BCAR3: variants seen among roughly 807,000 people sequenced by gnomAD.
The protein encoded by BCAR3 is BCAR3 adaptor protein, NSP family member, also known as breast cancer anti-estrogen resistance protein 3.
BCAR3 carries 37 observed loss-of-function variants against 80.1 expected under a neutral mutation model. That is an observed-to-expected ratio of 0.46 (90% CI 0.36 to 0.61). The LOEUF is 0.61. Among genes scored for constraint, BCAR3 ranks in the 20% least tolerant of loss-of-function variants. The probability of loss-of-function intolerance (pLI) is 0.00; values close to 1 mark genes in which losing one functional copy is unlikely to be tolerated. For missense variants in BCAR3, 978 were observed against 1,068.2 expected, an observed-to-expected ratio of 0.92 and a Z score of 1.18; for synonymous variants, 389 against 418.9, an observed-to-expected ratio of 0.93 and a Z score of 0.87.
At chr1:93,820,422 G>T (rs12139541) in intron 2 of BCAR3, among the ~76,000 whole-genome samples, 21,732 of 152,162 alleles carry the variant, frequency 0.14, 2,536 homozygotes, top group African/African-American at 0.31. Flanking sequence ...ATTCCTGACT[G>T]ACCAGCTATA....
chr1:93,682,296 T>C (rs1462112210), upstream of BCAR3, among the ~76,000 whole-genome samples: 2 of 152,102 alleles, frequency 1.3e-5, no homozygotes, highest in Non-Finnish European at 2.9e-5. Context: ...CAGCACTAGA[T>C]GATTTGGTGG....
intron 2 of BCAR3, among the ~76,000 whole-genome samples, chr1:93,740,305 C>T (rs1300523742): frequency 1.3e-5 from 2 of 152,202 alleles, no homozygotes; most frequent in Admixed American, 6.5e-5. Context: ...GCGTTAACAG[C>T]ACAAAGTCAA....
At chr1:93,837,743 T>C (rs777174145) in intron 2 of BCAR3, among the ~76,000 whole-genome samples, 21 of 152,078 alleles carry the variant, frequency 1.4e-4, no homozygotes, top group Non-Finnish European at 2.8e-4. Flanking sequence ...GGCTTGCAAC[T>C]TGGAGCCACA....
intron 2 of BCAR3, among the ~76,000 whole-genome samples, chr1:93,764,192 C>G (rs951594935): frequency 6.6e-6 from 1 of 152,040 alleles, no homozygotes; most frequent in Non-Finnish European, 1.5e-5. Flanking sequence ...CCAGAACACC[C>G]CACGCTGCTG....
chr1:93,628,929 G>A (rs1269678698), intron 3 of BCAR3, among the ~76,000 whole-genome samples: 1 of 152,120 alleles, frequency 6.6e-6, no homozygotes, highest in Non-Finnish European at 1.5e-5. Context: ...GTTTCTAACA[G>A]AACATTAGCA....
chr1:93,705,047 T>C (rs1487424109), intron 3 of BCAR3, among the ~76,000 whole-genome samples: 1 of 152,210 alleles, frequency 6.6e-6, no homozygotes, highest in Non-Finnish European at 1.5e-5. Flanking sequence ...TACATTGTTA[T>C]CAAGTTAGAC....
chr1:93,807,605 T>C (rs1459450704), intron 2 of BCAR3, among the ~76,000 whole-genome samples: 7 of 152,194 alleles, frequency 4.6e-5, no homozygotes, highest in Non-Finnish European at 8.8e-5. Flanking sequence ...CTCGGAAGAA[T>C]AGATTAATAG....
intron 3 of BCAR3, among the ~76,000 whole-genome samples, chr1:93,687,791 G>C (rs1472378901): frequency 6.6e-6 from 1 of 152,178 alleles, no homozygotes; most frequent in Non-Finnish European, 1.5e-5. Context: ...CTAATTAACA[G>C]GCAGCTGGGG....
At chr1:93,642,722 T>A (rs1020725937) in intron 2 of BCAR3, among the ~76,000 whole-genome samples, 2 of 152,148 alleles carry the variant, frequency 1.3e-5, no homozygotes, top group African/African-American at 4.8e-5. Context: ...TCTGGGTTAA[T>A]CCCCAGAACG....
At chr1:93,722,929 G>C (rs1333430853) in intron 2 of BCAR3, among the ~76,000 whole-genome samples, 1 of 152,096 alleles carries the variant, frequency 6.6e-6, no homozygotes, top group Non-Finnish European at 1.5e-5. Flanking sequence ...AAAAGAATGG[G>C]AGATTCAAAT....
chr1:93,715,469 C>T (rs1346489953), intron 2 of BCAR3, among the ~76,000 whole-genome samples: 1 of 152,058 alleles, frequency 6.6e-6, no homozygotes, highest in Admixed American at 6.6e-5. Context: ...ACTCAGCTGC[C>T]CAAGATCTCT....
intron 2 of BCAR3, among the ~76,000 whole-genome samples, chr1:93,740,544 C>A (rs1441359139): frequency 6.6e-6 from 1 of 152,188 alleles, no homozygotes; most frequent in African/African-American, 2.4e-5. Flanking sequence ...GGAATGGGTC[C>A]TTGAGCTTGT....
intron 9 of BCAR3, among the ~76,000 whole-genome samples, chr1:93,568,530 G>A (rs1401865380): frequency 6.6e-6 from 1 of 152,074 alleles, no homozygotes; most frequent in Non-Finnish European, 1.5e-5. Context: ...ATGAAAATAC[G>A]GCAGAACTGA....
intron 2 of BCAR3, among the ~76,000 whole-genome samples, chr1:93,813,435 C>T (rs1261254193): frequency 1.3e-5 from 2 of 152,150 alleles, no homozygotes; most frequent in African/African-American, 4.8e-5. Context: ...AAGTCCAAAG[C>T]TCTGAAAAAC....
chr1:93,836,195 G>C (rs181255686), intron 2 of BCAR3, among the ~76,000 whole-genome samples: 1 of 152,042 alleles, frequency 6.6e-6, no homozygotes, highest in Non-Finnish European at 1.5e-5. Context: ...GCTCCTGTAC[G>C]GACACTCCCT....
At chr1:93,838,614 C>T (rs994013934) in intron 2 of BCAR3, among the ~76,000 whole-genome samples, 3 of 152,178 alleles carry the variant, frequency 2.0e-5, no homozygotes, top group African/African-American at 7.2e-5. Flanking sequence ...GTAGCCCTCC[C>T]CTTTCTAGTC....
At chr1:93,655,447 A>C (rs1571012771) in intron 2 of BCAR3, among the ~76,000 whole-genome samples, 1 of 152,310 alleles carries the variant, frequency 6.6e-6, no homozygotes, top group East Asian at 1.9e-4. Context: ...AGCTCTTGAT[A>C]AATGACTGGC....
At chr1:93,662,649 C>A (rs1328971626) in intron 2 of BCAR3, among the ~76,000 whole-genome samples, 1 of 152,132 alleles carries the variant, frequency 6.6e-6, no homozygotes, top group Non-Finnish European at 1.5e-5. Context: ...CCTCACCCCA[C>A]GGATAGCACC....
intron 3 of BCAR3, among the ~76,000 whole-genome samples, chr1:93,629,986 G>A (rs1675563670): frequency 2.6e-5 from 4 of 152,176 alleles, no homozygotes. Flanking sequence ...AGAGACATCA[G>A]CATTACCTGC....
Sources: gnomAD v4.1 joint callset for allele counts (sites outside exome capture counted in the v4.1 genomes callset) on GRCh38, gnomAD v4.1.1 for gene constraint, MANE v1.5 for transcripts, NCBI Gene and HGNC (gene_info 2026-07-23, HGNC 2026-07-21) for gene names.